The following PCDH9 variants were observed in gnomAD, a reference collection of about 807,000 sequenced individuals.
PCDH9 encodes the protein protocadherin-9.
Under a neutral mutation model 70.6 loss-of-function variants are expected in PCDH9, and 24 were observed. The observed-to-expected ratio is 0.34, with a 90% CI of 0.25 to 0.48. The LOEUF is 0.48. Ranked by LOEUF, PCDH9 falls within the 20% of genes least tolerant of loss-of-function variation. The pLI is 0.99. For synonymous variants in PCDH9, 562 were observed against 558.5 expected (o/e 1.01, Z -0.09); for missense variants, 1,281 against 1,503.6 (o/e 0.85, Z 2.45).
At chr13:66,721,058 A>G (rs1007690869) in intron 3 of PCDH9, among the ~76,000 whole-genome samples, 1 of 152,200 alleles carries the variant, frequency 6.6e-6, no homozygotes, top group Non-Finnish European at 1.5e-5. Context: ...TCCAAGTGTA[A>G]TGGGTTATAA....
chr13:67,034,672 C>CT (rs35194684), intron 2 of PCDH9, among the ~76,000 whole-genome samples: 66,655 of 143,740 alleles, frequency 0.46, 15,746 homozygotes, highest in East Asian at 0.83. Flanking sequence ...CCATTTCTTT[C>CT]TTTTTTTTTT....
chr13:67,019,968 C>CAA (rs1208994712), intron 2 of PCDH9, among the ~76,000 whole-genome samples: 11 of 152,162 alleles, frequency 7.2e-5, no homozygotes, highest in Non-Finnish European at 1.6e-4. Flanking sequence ...CATTCATTCA[C>CAA]AAAACTAAGA....
chr13:67,197,103 A>T (rs1390541254), intron 2 of PCDH9, among the ~76,000 whole-genome samples: 1 of 151,964 alleles, frequency 6.6e-6, no homozygotes, highest in African/African-American at 2.4e-5. Context: ...AAAAAATCAA[A>T]TTTAACACAT....
rs776826720 is a variant in PCDH9, at chr13:67,228,258, G to A, written c.183C>T (p.Ser61=). The change falls in exon 2 of 5, where the codon AGC becomes AGT. Residue 61 remains serine, a synonymous_variant. Transcript: ENST00000377865. Reference sequence around the variant, plus strand: ...CTTTAGAAACCAGTCTGTAGACAAGGCTGGCGCTGGTCCCTGTGGCAGCAT... The same window carrying A: ...CTTTAGAAACCAGTCTGTAGACAAGACTGGCGCTGGTCCCTGTGGCAGCAT... ...HINAATGTSA[S]LVYRLVSKAG... 2 of 1,613,630 alleles carry A rather than the reference G, an allele frequency of 1.2e-6. No individual in the cohort carries two copies. Among genetic ancestry groups the A allele is most frequent in the South Asian group, 2.2e-5 (2 of 90,942 alleles).
At chr13:66,981,849 T>C (rs2083777618) in intron 2 of PCDH9, among the ~76,000 whole-genome samples, 1 of 152,160 alleles carries the variant, frequency 6.6e-6, no homozygotes, top group Non-Finnish European at 1.5e-5. Context: ...ATCCCTAAAA[T>C]TTATCACACA....
At chr13:66,609,954 CTT>C (rs11333407) in intron 4 of PCDH9, among the ~76,000 whole-genome samples, 53 of 117,118 alleles carry the variant, frequency 4.5e-4, no homozygotes, top group Middle Eastern at 5.1e-3. Context: ...GCATTTCCTT[CTT>C]TTTTTTTTTT....
At chr13:66,717,651 C>T (rs868052463) in intron 3 of PCDH9, among the ~76,000 whole-genome samples, 1 of 151,566 alleles carries the variant, frequency 6.6e-6, no homozygotes, top group African/African-American at 2.4e-5. Context: ...TTTAACATTG[C>T]CTTTAGAACA....
chr13:66,856,244 T>C (rs2081392423), intron 3 of PCDH9, among the ~76,000 whole-genome samples: 1 of 152,006 alleles, frequency 6.6e-6, no homozygotes, highest in African/African-American at 2.4e-5. Context: ...AAAGTTTTTA[T>C]TACCATCTTA....
chr13:67,169,583 T>C (rs1469291719), intron 2 of PCDH9, among the ~76,000 whole-genome samples: 1 of 152,144 alleles, frequency 6.6e-6, no homozygotes, highest in Non-Finnish European at 1.5e-5. Flanking sequence ...CTAAAGGGAT[T>C]TTTTTGTAAG....
rs141618430 is a variant in PCDH9 at position 66,610,343 on chromosome 13, C to T, written c.3340+20867G>A. ...CACAGCCTAACTTGAAAGTACAGGGCCAGTGTCAACTTCAATTTGCTTGAT... is the reference window on the plus strand; with the variant it reads ...CACAGCCTAACTTGAAAGTACAGGGTCAGTGTCAACTTCAATTTGCTTGAT... On this transcript the variant is annotated intron_variant, in intron 4 of 4. Coordinates refer to ENST00000377865, the MANE Select transcript of PCDH9 (RefSeq NM_203487.3). Among the ~76,000 whole-genome samples, 459 of 152,046 alleles carry T rather than the reference C, an allele frequency of 3.0e-3. 14 individuals carry two copies. The East Asian group carries it at 0.079, about 26-fold the overall frequency.
chr13:66,848,694 T>C lies in PCDH9; in HGVS notation c.3138+54810A>G, dbSNP rs564806094. Among the ~76,000 whole-genome samples the C allele has an allele frequency of 2.2e-3, 341 of 152,096 alleles. 2 individuals carry two copies. The highest frequency in any genetic ancestry group is 7.9e-3 in the African/African-American group (329 of 41,504). On this transcript the variant is annotated intron_variant, in intron 3 of 4. Coordinates refer to ENST00000377865, the MANE Select transcript of PCDH9 (RefSeq NM_203487.3). ...CTGTAATCCCAGCACTCTGGGAGGCTGAGGCGGGCGGATCACGAGGTCATG... is the reference window on the plus strand; with the variant it reads ...CTGTAATCCCAGCACTCTGGGAGGCCGAGGCGGGCGGATCACGAGGTCATG...
chr13:67,140,706 T>A lies in PCDH9; in HGVS notation c.3036+84699A>T, dbSNP rs575913202. Among the ~76,000 whole-genome samples the A allele has an allele frequency of 2.0e-5, 3 of 152,346 alleles. No individual in the cohort carries two copies. The South Asian group carries it at 6.2e-4, about 32-fold the overall frequency. The stretch of plus-strand genomic sequence containing the variant: ...GTGCCTCCTCCACTCTACTGATCTC[T>A]TTATTTGTACCTTCAGGAGAAATGC... On this transcript the variant is annotated intron_variant, in intron 2 of 4. Transcript: ENST00000377865.
At chr13:66,416,287 G>A (rs1957459061) in intron 4 of PCDH9, among the ~76,000 whole-genome samples, 1 of 149,740 alleles carries the variant, frequency 6.7e-6, no homozygotes, top group Non-Finnish European at 1.5e-5. Flanking sequence ...GGAATATAGT[G>A]TATATCATTA....
intron 3 of PCDH9, among the ~76,000 whole-genome samples, chr13:66,820,893 G>A (rs148511263): frequency 2.2e-4 from 33 of 152,190 alleles, no homozygotes; most frequent in African/African-American, 5.8e-4. Flanking sequence ...ATGGGTATTA[G>A]GCTTAATACC....
chr13:66,545,709 A>G (rs9564321), intron 4 of PCDH9, among the ~76,000 whole-genome samples: 81,564 of 151,968 alleles, frequency 0.54, 22,313 homozygotes, highest in East Asian at 0.67. Context: ...AAAGTATGGC[A>G]CACACACTTA....
At chr13:66,597,702 T>C (rs545906008) in intron 4 of PCDH9, among the ~76,000 whole-genome samples, 2 of 151,646 alleles carry the variant, frequency 1.3e-5, no homozygotes, top group South Asian at 2.1e-4. Flanking sequence ...ACCAAAAGCA[T>C]AGGCAACAAA....
chr13:66,374,846 T>C (rs1185228446), intron 4 of PCDH9, among the ~76,000 whole-genome samples: 1 of 152,064 alleles, frequency 6.6e-6, no homozygotes, highest in East Asian at 1.9e-4. Context: ...TATTTCTTCA[T>C]TGAGGACAGA....
rs182289246 is a variant in PCDH9, at chr13:66,956,263, C to T, written c.3037-52658G>A. Among the ~76,000 whole-genome samples, 194 of 152,194 alleles carry T rather than the reference C, an allele frequency of 1.3e-3. 2 individuals are homozygous for T. Among genetic ancestry groups the T allele is most frequent in the Middle Eastern group, 6.8e-3 (2 of 294 alleles). ...TAATTGTGGCTTGAAACAAAAGTTT[C>T]TAGGAATAACATCAAGTTCAAAAAA... On this transcript the variant is annotated intron_variant, in intron 2 of 4. Transcript: ENST00000377865.
chr13:67,147,303 T>C (rs2087545638), intron 2 of PCDH9, among the ~76,000 whole-genome samples: 1 of 152,196 alleles, frequency 6.6e-6, no homozygotes, highest in Non-Finnish European at 1.5e-5. Flanking sequence ...GGTTTTATCT[T>C]TGCAATTATT....
Sources: gnomAD v4.1 joint callset for allele counts (sites outside exome capture counted in the v4.1 genomes callset) on GRCh38, gnomAD v4.1.1 for gene constraint, MANE v1.5 for transcripts, NCBI Gene and HGNC (gene_info 2026-07-23, HGNC 2026-07-21) for gene names.